The following ZEB1 variants were observed in gnomAD, a reference collection of about 807,000 sequenced individuals.
ZEB1 encodes the protein zinc finger E-box binding homeobox 1.
ZEB1 carries 21 observed loss-of-function variants against 84.9 expected under a neutral mutation model. The observed-to-expected ratio is 0.25, with a 90% CI of 0.18 to 0.36. ZEB1 has a LOEUF of 0.36. ZEB1 is among the 10% of genes least tolerant of loss of function. ZEB1 has a pLI of 1.00. For missense variants in ZEB1, 1,104 were observed against 1,330.2 expected, an observed-to-expected ratio of 0.83 and a Z score of 2.65; for synonymous variants, 420 against 471.1, an observed-to-expected ratio of 0.89 and a Z score of 1.41.
At chr10:31,344,846 ATGTT>A (rs1290707387) in intron 1 of ZEB1, among the ~76,000 whole-genome samples, 2 of 152,134 alleles carry the variant, frequency 1.3e-5, no homozygotes, top group East Asian at 1.9e-4. Context: ...GAACTAATTC[ATGTT>A]TGTTTGTTTT....
At chr10:31,374,654 C>A (rs551660962) in intron 1 of ZEB1, 2 of 151,822 alleles carry the variant, frequency 1.3e-5, no homozygotes, top group South Asian at 4.1e-4. Context: ...AAGCACAGAA[C>A]CTACACATTT....
intron 1 of ZEB1, among the ~76,000 whole-genome samples, chr10:31,390,647 C>T (rs2135209513): frequency 6.6e-6 from 1 of 152,234 alleles, no homozygotes; most frequent in South Asian, 2.1e-4. Flanking sequence ...AAGGTATTTT[C>T]CTACCATTGG....
chr10:31,446,687 G>A (rs1305789282), intron 1 of ZEB1, among the ~76,000 whole-genome samples: 1 of 152,072 alleles, frequency 6.6e-6, no homozygotes, highest in Non-Finnish European at 1.5e-5. Context: ...AGTCATTCAG[G>A]AGCAGGTTGT....
chr10:31,460,976 A>T, intron 1 of ZEB1, 61 bp from the exon 2 acceptor site: 1 of 1,303,704 alleles, frequency 7.7e-7, no homozygotes, highest in East Asian at 2.4e-5. Flanking sequence ...TTTTTCTGAG[A>T]TGTAAAAACT....
chr10:31,486,779 T>A (rs1045146867), intron 2 of ZEB1, among the ~76,000 whole-genome samples: 1 of 151,578 alleles, frequency 6.6e-6, no homozygotes, highest in Non-Finnish European at 1.5e-5. Flanking sequence ...AAAGTTTTAA[T>A]TGAGATTTAG....
At chr10:31,392,538 A>G (rs1213958719) in intron 1 of ZEB1, among the ~76,000 whole-genome samples, 3 of 152,084 alleles carry the variant, frequency 2.0e-5, no homozygotes, top group South Asian at 2.1e-4. Context: ...GACTTTAGAA[A>G]TGGTAAGTAA....
At chr10:31,363,249 C>T (rs765077569) in intron 1 of ZEB1, 68 of 1,533,776 alleles carry the variant, frequency 4.4e-5, no homozygotes, top group African/African-American at 3.0e-4. Context: ...GGGAGCAGCC[C>T]GGAACTGGGG....
chr10:31,384,048 A>G (rs1445058413), intron 1 of ZEB1, among the ~76,000 whole-genome samples: 1 of 134,540 alleles, frequency 7.4e-6, no homozygotes, highest in East Asian at 2.2e-4. Flanking sequence ...ATTTCAGCTC[A>G]CTGCAGCCTC....
chr10:31,393,411 CAAAT>C (rs1010197749), intron 1 of ZEB1, among the ~76,000 whole-genome samples: 3 of 152,054 alleles, frequency 2.0e-5, no homozygotes, highest in African/African-American at 4.8e-5. Context: ...GTATTTCTAA[CAAAT>C]AAAAAGTTAT....
At chr10:31,495,701 C>A in intron 2 of ZEB1, 75 bp from the exon 3 acceptor site, 1 of 1,541,142 alleles carries the variant, frequency 6.5e-7, no homozygotes, top group South Asian at 1.1e-5. Flanking sequence ...TTGGGATATC[C>A]AAAACTTTAA....
In ZEB1 at chr10:31,495,783, G is replaced by T; in HGVS notation, c.267G>T (p.Lys89Asn). 6.2e-7 allele frequency: 1 copy of T among 1,612,842 alleles called. No homozygotes were observed. The change falls in exon 3 of 9, where the codon AAG becomes AAT. Residue 89 changes from lysine to asparagine, a missense_variant. By Grantham distance (94) the Lys-to-Asn change is moderately conservative (BLOSUM62 0). Around this residue, in one of 7 missense-constraint regions of ZEB1, gnomAD observed 162 missense variants for 184.5 expected, o/e 0.88. Coordinates refer to ENST00000424869, the MANE Select transcript of ZEB1 (RefSeq NM_001174096.2). ...AKNCWEDDTG[K>N]EGQEILGPEA... ...TTTCTTCTTTGATTTCAGCAGGAAA[G>T]GAAGGGCAAGAAATCCTGGGGCCTG...
chr10:31,479,615 A>G (rs149359778), intron 2 of ZEB1, among the ~76,000 whole-genome samples: 66 of 152,028 alleles, frequency 4.3e-4, no homozygotes, highest in Non-Finnish European at 7.2e-4. Context: ...AAAATGTGAC[A>G]TAAGACATTA....
chr10:31,403,679 C>A (rs954468211), intron 1 of ZEB1, among the ~76,000 whole-genome samples: 1 of 151,962 alleles, frequency 6.6e-6, no homozygotes, highest in Non-Finnish European at 1.5e-5. Flanking sequence ...ACACTGCCTC[C>A]TTTAAAAGAT....
At chr10:31,342,656 A>G (rs2039604855) in intron 1 of ZEB1, among the ~76,000 whole-genome samples, 2 of 152,180 alleles carry the variant, frequency 1.3e-5, no homozygotes, top group African/African-American at 4.8e-5. Context: ...AGATCTATAG[A>G]TAAGAAGCAG....
At chr10:31,430,871 A>C (rs1432364331) in intron 1 of ZEB1, among the ~76,000 whole-genome samples, 3 of 152,202 alleles carry the variant, frequency 2.0e-5, no homozygotes, top group African/African-American at 7.2e-5. Flanking sequence ...AATTTACAAA[A>C]ATTACTTCAT....
At chr10:31,319,321 C>A (rs766418752) in intron 1 of ZEB1, 29 bp downstream of exon 1, 2 of 1,593,792 alleles carry the variant, frequency 1.3e-6, no homozygotes, top group Admixed American at 3.5e-5. Context: ...CGGGGAGCGG[C>A]GGAGTCAGGG....
intron 1 of ZEB1, among the ~76,000 whole-genome samples, chr10:31,439,242 A>G (rs1025234743): frequency 2.0e-5 from 3 of 152,148 alleles, no homozygotes; most frequent in Non-Finnish European, 4.4e-5. Context: ...ACCAAACAAT[A>G]TATCTTAGAT....
intron 2 of ZEB1, among the ~76,000 whole-genome samples, chr10:31,473,204 G>A (rs1184358782): frequency 2.6e-5 from 4 of 151,228 alleles, no homozygotes; most frequent in Non-Finnish European, 5.9e-5. Flanking sequence ...GGAATTTCTG[G>A]CCAGGGCAAT....
In ZEB1 at chr10:31,520,136, A is replaced by G. The variant is rs768021684; in HGVS notation, c.804A>G (p.Pro268=). The G allele has an allele frequency of 6.2e-7, 1 of 1,613,766 alleles. No individual in the cohort carries two copies. Among genetic ancestry groups the G allele is most frequent in the South Asian group, 1.1e-5 (1 of 91,084 alleles). ...EHLRIHSGEK[P]YECPNCKKRF... ...TGTTTGTTTGTTTAGGAGAGAAGCC[A>G]TATGAATGCCCAAACTGCAAGAAAC... The change falls in exon 7 of 9, where the codon CCA becomes CCG. Residue 268 remains proline, a synonymous_variant. Coordinates refer to ENST00000424869, the MANE Select transcript of ZEB1 (RefSeq NM_001174096.2). The surrounding 1 kb of genome is among the most constrained non-coding windows in gnomAD (Gnocchi z 5.1).
Sources: allele counts gnomAD v4.1 joint callset (sites outside exome capture counted in the v4.1 genomes callset), GRCh38; gene constraint gnomAD v4.1.1; regional missense constraint gnomAD v4.1.1; non-coding constraint Gnocchi (gnomAD v3.1); transcripts MANE v1.5; gene names NCBI Gene and HGNC (gene_info 2026-07-23, HGNC 2026-07-21).